The following STPG2 variants were observed in gnomAD, a reference collection of about 807,000 sequenced individuals.
STPG2 encodes sperm-tail PG-rich repeat-containing protein 2.
A neutral mutation model predicts 54.2 loss-of-function variants in STPG2; 56 were observed. The observed-to-expected ratio is 1.03, with a 90% confidence interval of 0.83 to 1.29. The LOEUF (loss-of-function observed/expected upper bound fraction) is 1.29. Ranked by LOEUF, STPG2 falls within the 50% of genes most tolerant of loss-of-function variation. The probability of loss-of-function intolerance (pLI) is 0.00; values close to 1 mark genes in which losing one functional copy is unlikely to be tolerated. For missense variants in STPG2, 596 were observed against 544.9 expected, an observed-to-expected ratio of 1.09 and a Z score of -0.93; for synonymous variants, 200 against 181.8, an observed-to-expected ratio of 1.10 and a Z score of -0.81.
At chr4:97,635,471 A>C (rs1423856041) in intron 10 of STPG2, among the ~76,000 whole-genome samples, 1 of 152,204 alleles carries the variant, frequency 6.6e-6, no homozygotes, top group Non-Finnish European at 1.5e-5. Context: ...TAATGACAGG[A>C]TCAAATTCAC....
chr4:98,131,480 T>A (rs1195856717), intron 2 of STPG2, among the ~76,000 whole-genome samples: 1 of 152,176 alleles, frequency 6.6e-6, no homozygotes, highest in East Asian at 1.9e-4. Flanking sequence ...GCAATTTAAA[T>A]ATACTTACAA....
intron 4 of STPG2, among the ~76,000 whole-genome samples, chr4:97,518,935 A>G (rs1459652318): frequency 6.6e-6 from 1 of 152,194 alleles, no homozygotes; most frequent in East Asian, 1.9e-4. Context: ...TACCTTATCA[A>G]AACTATTCAT....
At chr4:97,924,319 A>G (rs952210911) in intron 8 of STPG2, among the ~76,000 whole-genome samples, 2 of 152,208 alleles carry the variant, frequency 1.3e-5, no homozygotes, top group East Asian at 1.9e-4. Context: ...GTTACTTAAT[A>G]AAAACATTTT....
At chr4:97,560,856 A>C (rs962447523) in intron 10 of STPG2, among the ~76,000 whole-genome samples, 2 of 152,168 alleles carry the variant, frequency 1.3e-5, no homozygotes, top group African/African-American at 4.8e-5. Flanking sequence ...CAAATCTATA[A>C]GGAAATGTGT....
At chr4:97,865,704 G>A (rs1243345392) in intron 8 of STPG2, among the ~76,000 whole-genome samples, 1 of 151,892 alleles carries the variant, frequency 6.6e-6, no homozygotes, top group Admixed American at 6.6e-5. Context: ...CCTGTTGTGG[G>A]GTAGGGTGAG....
Position 97,981,412 on chromosome 4 carries a change from G to C in STPG2, c.613-94C>G, listed in dbSNP as rs1227194212. 3 of 1,252,190 alleles carry C rather than the reference G, an allele frequency of 2.4e-6. No homozygotes were observed. The East Asian group carries it at 7.4e-5, about 31-fold the overall frequency. 77.6% of individuals were successfully genotyped at this position (1,252,190 alleles called of 1,614,324 possible). ...CTGCCTTTTGAGTAATATAACATCT[G>C]GAGTTAATTTATTTCTTAATGGAGT... On this transcript the variant is annotated intron_variant, in intron 5 of 10. Transcript: ENST00000295268.
At chr4:98,033,526 A>G (rs578039269) in intron 5 of STPG2, among the ~76,000 whole-genome samples, 6 of 152,336 alleles carry the variant, frequency 3.9e-5, no homozygotes, top group African/African-American at 1.4e-4. Flanking sequence ...CCAAAGGTAC[A>G]AAGTAGAGCT....
chr4:97,494,656 C>T (rs1230799362), intron 4 of STPG2, among the ~76,000 whole-genome samples: 2 of 151,454 alleles, frequency 1.3e-5, no homozygotes, highest in Non-Finnish European at 3.0e-5. Context: ...ATTGATATGA[C>T]TTAAATTATG....
intron 4 of STPG2, among the ~76,000 whole-genome samples, chr4:97,553,464 G>C (rs911046476): frequency 1.3e-5 from 2 of 152,062 alleles, no homozygotes; most frequent in African/African-American, 4.8e-5. Flanking sequence ...ATGAATGTAG[G>C]CTCTAAATTG....
chr4:97,787,539 A>G (rs985725323), intron 9 of STPG2, among the ~76,000 whole-genome samples: 1 of 152,012 alleles, frequency 6.6e-6, no homozygotes, highest in African/African-American at 2.4e-5. Flanking sequence ...ATTTTGTTAA[A>G]GATTTTGTGT....
At chr4:97,979,300 A>C (rs1406915245) in intron 6 of STPG2, among the ~76,000 whole-genome samples, 2 of 152,178 alleles carry the variant, frequency 1.3e-5, no homozygotes, top group African/African-American at 4.8e-5. Context: ...GGCAGAACAA[A>C]CAACCACAGA....
chr4:98,068,904 C>T (rs781022215), intron 5 of STPG2, among the ~76,000 whole-genome samples: 2 of 151,924 alleles, frequency 1.3e-5, no homozygotes, highest in Non-Finnish European at 2.9e-5. Flanking sequence ...CTGAACATAC[C>T]TAAACATAGA....
At chr4:97,614,069 T>C (rs1231314033) in intron 10 of STPG2, among the ~76,000 whole-genome samples, 1 of 152,076 alleles carries the variant, frequency 6.6e-6, no homozygotes, top group Non-Finnish European at 1.5e-5. Flanking sequence ...TATACTTGTA[T>C]ACCAGGGGAT....
intron 9 of STPG2, among the ~76,000 whole-genome samples, chr4:97,817,527 AT>A (rs1286259238): frequency 2.6e-5 from 4 of 151,950 alleles, no homozygotes; most frequent in Admixed American, 6.6e-5. Context: ...AATAGAATAA[AT>A]TATTTCATTA....
At position 98,029,078 on chromosome 4, in the gene STPG2, T is replaced by C. The variant is rs1736515000; in HGVS notation, c.613-47760A>G. On this transcript the variant is annotated intron_variant, in intron 5 of 10. Coordinates refer to ENST00000295268, the MANE Select transcript of STPG2 (RefSeq NM_174952.3). ...CTATTATTTCAATACTTTAAATATA[T>C]TAAAACTTGTTTTATTAATAAAAAT... Among the ~76,000 whole-genome samples, 6 of 152,174 alleles carry C rather than the reference T, an allele frequency of 3.9e-5. No homozygotes were observed. In the South Asian group the frequency reaches 1.2e-3, roughly 31 times the overall value.
intron 7 of STPG2, among the ~76,000 whole-genome samples, chr4:97,961,911 C>T (rs568584460): frequency 4.6e-5 from 7 of 152,208 alleles, no homozygotes; most frequent in African/African-American, 9.6e-5. Context: ...TGCACACGCA[C>T]GTTTATAGCA....
chr4:97,585,564 C>T (rs953848264), intron 10 of STPG2, among the ~76,000 whole-genome samples: 4 of 151,940 alleles, frequency 2.6e-5, no homozygotes, highest in African/African-American at 9.7e-5. Flanking sequence ...ACAGCAAGAA[C>T]CCAGACTGGA....
chr4:98,127,296 T>A (rs1161310995), intron 3 of STPG2, among the ~76,000 whole-genome samples: 1 of 152,180 alleles, frequency 6.6e-6, no homozygotes, highest in African/African-American at 2.4e-5. Context: ...TTTCACAGTA[T>A]CTATGTGTTT....
intron 8 of STPG2, among the ~76,000 whole-genome samples, chr4:97,874,892 A>G (rs1377247475): frequency 6.6e-6 from 1 of 151,964 alleles, no homozygotes; most frequent in Non-Finnish European, 1.5e-5. Context: ...ATATGAGGAT[A>G]CAGCAAGAAA....
Sources: allele counts gnomAD v4.1 joint callset (sites outside exome capture counted in the v4.1 genomes callset), GRCh38; gene constraint gnomAD v4.1.1; transcripts MANE v1.5; gene names NCBI Gene and HGNC (gene_info 2026-07-23, HGNC 2026-07-21).